The following ANK3 variants were observed in gnomAD, a reference collection of about 807,000 sequenced individuals.
ANK3 encodes the protein ankyrin 3, also known as ankyrin-3.
ANK3 carries 57 observed loss-of-function variants against 370.9 expected under a neutral mutation model. The ratio of observed to expected loss-of-function variants is 0.15; its 90% CI spans 0.12 to 0.19. The LOEUF (loss-of-function observed/expected upper bound fraction) is 0.19, where lower values mean the gene tolerates loss of function less well. Ranked by LOEUF, ANK3 falls within the 10% of genes least tolerant of loss-of-function variation. The probability of loss-of-function intolerance (pLI) is 1.00; values close to 1 mark genes in which losing one functional copy is unlikely to be tolerated. For missense variants in ANK3, 4,439 were observed against 5,302.1 expected, an observed-to-expected ratio of 0.84 and a Z score of 5.06; for synonymous variants, 1,929 against 1,946.3, an observed-to-expected ratio of 0.99 and a Z score of 0.23.
At chr10:60,363,072 C>T (rs1027073038) in intron 1 of ANK3, among the ~76,000 whole-genome samples, 5 of 27,828 alleles carry the variant, frequency 1.8e-4, no homozygotes, top group East Asian at 1.6e-3. Context: ...GCTGGGGTTG[C>T]GGCGGGCGGG....
intron 12 of ANK3, 23 bp downstream of exon 12, chr10:60,202,979 T>C: frequency 1.3e-6 from 2 of 1,544,080 alleles, no homozygotes; most frequent in Non-Finnish European, 1.8e-6. Flanking sequence ...ACAATGGACC[T>C]CCTTTGTTCA....
chr10:60,700,735 A>C (rs2079534852), intron 1 of ANK3, among the ~76,000 whole-genome samples: 1 of 152,172 alleles, frequency 6.6e-6, no homozygotes, highest in South Asian at 2.1e-4. Context: ...TAGCAATTGA[A>C]TAGAAAGAAT....
chr10:60,214,623 G>A (rs993995827), intron 8 of ANK3, among the ~76,000 whole-genome samples: 6 of 152,016 alleles, frequency 3.9e-5, no homozygotes, highest in Non-Finnish European at 5.9e-5. Context: ...TTGGTTTTCT[G>A]TTCCCGTGTT....
chr10:60,352,828 T>C (rs934485931), intron 1 of ANK3, among the ~76,000 whole-genome samples: 9 of 152,220 alleles, frequency 5.9e-5, no homozygotes, highest in Non-Finnish European at 8.8e-5. Flanking sequence ...TGTTGTGCTA[T>C]GTATATGTGC....
At chr10:60,324,217 A>G (rs892105396) in intron 1 of ANK3, among the ~76,000 whole-genome samples, 3 of 152,234 alleles carry the variant, frequency 2.0e-5, no homozygotes, top group African/African-American at 7.2e-5. Context: ...TCTCATGTAC[A>G]TGTCGAGAAT....
intron 43 of ANK3, among the ~76,000 whole-genome samples, chr10:60,031,046 G>T (rs949382262): frequency 6.6e-6 from 1 of 152,128 alleles, no homozygotes; most frequent in African/African-American, 2.4e-5. Flanking sequence ...TGAGCAGAAA[G>T]GGCCAGAGAT....
rs1459770479 is a variant in ANK3 at position 60,092,639 on chromosome 10, AT to A, written c.3329-4282del. On this transcript the variant is annotated intron_variant, in intron 28 of 43. Transcript: ENST00000280772. ...ACTATTAGAAAAAAAAGGAACTGCA[AT>A]TTTACTCCTTTTTGCCTCCTCAAGT... is the stretch of plus-strand genomic sequence containing the variant. Among the ~76,000 whole-genome samples the A allele has an allele frequency of 3.9e-5, 6 of 152,340 alleles. No individual in the cohort carries two copies. The East Asian group carries it at 1.2e-3, about 29-fold the overall frequency.
At chr10:60,184,356 C>T (rs970109967) in intron 17 of ANK3, among the ~76,000 whole-genome samples, 4 of 152,116 alleles carry the variant, frequency 2.6e-5, no homozygotes, top group Non-Finnish European at 5.9e-5. Context: ...TTTCTGTTTT[C>T]ACATCAGGGC....
In ANK3 at chr10:60,073,546, T is replaced by C; in HGVS notation, c.7335A>G (p.Ser2445=). Residue 2445 remains serine, a synonymous_variant, in exon 37 of 44, where the codon TCA becomes TCG. Transcript: ENST00000280772. ...YKTLKLLSQH[S]IEYHDDELSE... ...ACAACTCATCGTCATGGTATTCTAT[T>C]GAGTGTTGACTCAAAAGCTTCAATG... 1 of 1,614,098 alleles carries C rather than the reference T, an allele frequency of 6.2e-7. No individual in the cohort carries two copies. The highest frequency in any genetic ancestry group is 8.5e-7 in the Non-Finnish European group (1 of 1,180,004).
intron 8 of ANK3, among the ~76,000 whole-genome samples, chr10:60,228,532 CAAAAAAAAA>C (rs72450397): frequency 7.4e-5 from 7 of 94,934 alleles, no homozygotes; most frequent in African/African-American, 2.8e-4. Flanking sequence ...ACTGTGTCTC[CAAAAAAAAA>C]AAAAAAAAAG....
Position 60,140,278 on chromosome 10 carries a change from C to T in ANK3, c.2615-1191G>A, listed in dbSNP as rs141878796. On this transcript the variant is annotated intron_variant, in intron 23 of 43. Transcript: ENST00000280772. ...AGAGATTATTTTAAGTAACTATTTACGGCTGGGCTATTTGCACATTCACTG... is the reference window on the plus strand; with the variant it reads ...AGAGATTATTTTAAGTAACTATTTATGGCTGGGCTATTTGCACATTCACTG... 3.8e-3 allele frequency: 5,436 copies of T among 1,438,942 alleles called. 21 individuals are homozygous for T. Among genetic ancestry groups the T allele is most frequent in the South Asian group, 5.2e-3 (455 of 87,192 alleles). The allele number at this position is 1,438,942 out of a possible 1,614,324, so 89.1% of individuals were successfully genotyped here. A position where few individuals can be genotyped will look rare whatever the true frequency, so the allele number is the denominator to read the frequency against.
At chr10:60,413,860 G>A (rs2063608175) in intron 2 of ANK3, among the ~76,000 whole-genome samples, 1 of 151,974 alleles carries the variant, frequency 6.6e-6, no homozygotes, top group South Asian at 2.1e-4. Context: ...AGCTGGGTGT[G>A]GTGGTGCTTG....
intron 16 of ANK3, among the ~76,000 whole-genome samples, chr10:60,193,363 G>A (rs1391925185): frequency 6.6e-6 from 1 of 152,172 alleles, no homozygotes; most frequent in South Asian, 2.1e-4. Flanking sequence ...CCCTGTTTAA[G>A]AGTTATTTGT....
intron 1 of ANK3, among the ~76,000 whole-genome samples, chr10:60,345,061 C>A (rs924595064): frequency 6.8e-6 from 1 of 147,644 alleles, no homozygotes; most frequent in Non-Finnish European, 1.5e-5. Flanking sequence ...CTGCATAAAG[C>A]TCAAAATATT....
intron 1 of ANK3, among the ~76,000 whole-genome samples, chr10:60,380,788 T>G (rs552090262): frequency 2.6e-5 from 4 of 152,342 alleles, no homozygotes; most frequent in African/African-American, 9.6e-5. Flanking sequence ...TTCTTCTGTT[T>G]TGTTTAAGAC....
intron 21 of ANK3, among the ~76,000 whole-genome samples, chr10:60,170,871 T>C (rs1426291304): frequency 1.3e-5 from 2 of 152,194 alleles, no homozygotes; most frequent in African/African-American, 2.4e-5. Context: ...GAGAAAGCCA[T>C]TTACATTCAA....
intron 21 of ANK3, among the ~76,000 whole-genome samples, chr10:60,170,373 A>G (rs1437956190): frequency 1.3e-5 from 2 of 152,160 alleles, no homozygotes; most frequent in African/African-American, 4.8e-5. Flanking sequence ...AGGCTGAGCT[A>G]GAGTTATTAG....
rs1564654270 is a variant in ANK3 at position 60,055,786 on chromosome 10, G to A, written c.12937C>T (p.Leu4313Phe). The change falls in exon 42 of 44, where the codon CTT (leucine) becomes TTT (phenylalanine). Residue 4313 changes from leucine (L) to phenylalanine (F), a missense_variant. Leu to Phe is a conservative substitution (Grantham distance 22). Around this residue, in one of 13 missense-constraint regions of ANK3, gnomAD observed 242 missense variants for 228.0 expected, o/e 1.06. Coordinates refer to ENST00000280772, the MANE Select transcript of ANK3 (RefSeq NM_020987.5). ...CAGGGTTTAGTCTCTTCTATTATAA[G>A]CTTGCTGGTTTCTTCTAGAGATTTC... is the stretch of plus-strand genomic sequence containing the variant. Reference protein sequence around the residue: ...YQKSLEETSKLIIEETKPCVP... With the variant: ...YQKSLEETSKFIIEETKPCVP... The A allele has an allele frequency of 6.2e-7, 1 of 1,614,146 alleles. No homozygotes were observed. The highest frequency in any genetic ancestry group is 8.5e-7 in the Non-Finnish European group (1 of 1,180,034).
chr10:60,070,902 C>T lies in ANK3; in HGVS notation c.9979G>A (p.Val3327Ile). The change falls in exon 37 of 44, where the codon GTC becomes ATC. Residue 3327 changes from valine (V) to isoleucine (I), a missense_variant. Val to Ile is a conservative substitution (Grantham distance 29). Transcript: ENST00000280772. This position sits in a 1 kb window ranked among gnomAD's most constrained non-coding sequence, Gnocchi z 5.7. The stretch of plus-strand genomic sequence containing the variant: ...TTGAAGGTATATTTTTTAACTGGGA[C>T]TGGCTGATAAATAGATTCGTCATCG... ...SSDDESIYQP[V>I]PVKKYTFKLK... 6.2e-7 allele frequency: 1 copy of T among 1,614,064 alleles called. No homozygotes were observed. Among genetic ancestry groups the T allele is most frequent in the Non-Finnish European group, 8.5e-7 (1 of 1,180,006 alleles).
Sources: allele counts gnomAD v4.1 joint callset (sites outside exome capture counted in the v4.1 genomes callset), GRCh38; gene constraint gnomAD v4.1.1; regional missense constraint gnomAD v4.1.1; non-coding constraint Gnocchi (gnomAD v3.1); transcripts MANE v1.5; gene names NCBI Gene and HGNC (gene_info 2026-07-23, HGNC 2026-07-21).